The following ONECUT2 variants were observed in gnomAD, a reference collection of about 807,000 sequenced individuals.
ONECUT2 encodes the protein one cut homeobox 2, also known as one cut domain family member 2.
ONECUT2 carries 10 observed loss-of-function variants against 27.9 expected under a neutral mutation model. The ratio of observed to expected loss-of-function variants is 0.36; its 90% CI spans 0.22 to 0.61. The LOEUF (loss-of-function observed/expected upper bound fraction) is 0.61. Ranked by LOEUF, ONECUT2 falls within the 20% of genes least tolerant of loss-of-function variation. The pLI, the probability that ONECUT2 is intolerant of heterozygous loss-of-function variation, is 0.73. For synonymous variants in ONECUT2, 334 were observed against 315.1 expected (o/e 1.06, Z -0.64); for missense variants, 686 against 721.0 (o/e 0.95, Z 0.56).
chr18:57,466,512 G>A (rs1049697558), intron 1 of ONECUT2, among the ~76,000 whole-genome samples: 3 of 152,222 alleles, frequency 2.0e-5, no homozygotes, highest in Admixed American at 6.5e-5. Flanking sequence ...AGCAACTCAC[G>A]ACTTCCTGGA....
rs535349572 is a variant in ONECUT2, at chr18:57,481,411, A to G, written c.*4688A>G. ...AATTTTCAATTCAAGCTAAAATAAA[A>G]TCAACATTTGGAATGTAAATCTGAT... On this transcript the variant is annotated 3_prime_UTR_variant, in exon 2 of 2. Coordinates refer to ENST00000491143, the MANE Select transcript of ONECUT2 (RefSeq NM_004852.3). The G allele has an allele frequency of 6.6e-6, 1 of 152,238 alleles. No homozygotes were observed. Among genetic ancestry groups the G allele is most frequent in the Non-Finnish European group, 1.5e-5 (1 of 68,036 alleles). The allele number at this position is 152,238 out of a possible 1,614,324, so 9.4% of individuals were successfully genotyped here. A position where few individuals can be genotyped will look rare whatever the true frequency, so the allele number is the denominator to read the frequency against.
chr18:57,462,520 G>A (rs1030529642), intron 1 of ONECUT2, among the ~76,000 whole-genome samples: 1 of 151,860 alleles, frequency 6.6e-6, no homozygotes, highest in Admixed American at 6.6e-5. Flanking sequence ...CAAGTAGCTG[G>A]GACTACTATA....
rs550931983 is a variant in ONECUT2, at chr18:57,442,714, T to C, written c.1228+5770T>C. Among the ~76,000 whole-genome samples the C allele has an allele frequency of 1.9e-3, 284 of 152,210 alleles. 1 individual carries two copies. The highest frequency in any genetic ancestry group is 6.7e-3 in the African/African-American group (279 of 41,532). Reference sequence around the variant, plus strand: ...TTAGAGGATAGAATCATAGACTCTCTCCTACTCCCATCTTAGAATTCCAAG... The same window carrying C: ...TTAGAGGATAGAATCATAGACTCTCCCCTACTCCCATCTTAGAATTCCAAG... On this transcript the variant is annotated intron_variant, in intron 1 of 1. Coordinates refer to ENST00000491143, the MANE Select transcript of ONECUT2 (RefSeq NM_004852.3).
intron 1 of ONECUT2, among the ~76,000 whole-genome samples, chr18:57,472,153 C>T (rs758119798): frequency 5.3e-5 from 8 of 152,218 alleles, no homozygotes; most frequent in Non-Finnish European, 1.2e-4. Flanking sequence ...CCTGCTGTTT[C>T]GTTGGGTTTC....
chr18:57,461,433 A>G (rs1390979572), intron 1 of ONECUT2, among the ~76,000 whole-genome samples: 1 of 152,226 alleles, frequency 6.6e-6, no homozygotes, highest in Non-Finnish European at 1.5e-5. Flanking sequence ...GTACTTAACC[A>G]TACATTTCTG....
intron 1 of ONECUT2, among the ~76,000 whole-genome samples, chr18:57,459,539 G>C (rs1019003057): frequency 1.3e-5 from 2 of 152,152 alleles, no homozygotes; most frequent in African/African-American, 4.8e-5. Flanking sequence ...TAACTTTGAT[G>C]TATCAAATTC....
rs2050133946 is a variant in ONECUT2 at position 57,435,634 on chromosome 18, G to T, written c.-83G>T. The T allele has an allele frequency of 1.1e-5, 9 of 821,374 alleles. No homozygotes were observed. Among genetic ancestry groups the T allele is most frequent in the Non-Finnish European group, 1.3e-5 (9 of 687,346 alleles). 50.9% of individuals were successfully genotyped at this position (821,374 alleles called of 1,614,324 possible). On this transcript the variant is annotated 5_prime_UTR_variant, in exon 1 of 2. Coordinates refer to ENST00000491143, the MANE Select transcript of ONECUT2 (RefSeq NM_004852.3). ...CACTCCCGCGCCCGCCCCCACTCCCGCAGCCGAGCCCCGCCACGCGCGCCT... is the reference window on the plus strand; with the variant it reads ...CACTCCCGCGCCCGCCCCCACTCCCTCAGCCGAGCCCCGCCACGCGCGCCT...
In ONECUT2 at chr18:57,436,312, G is replaced by A. The variant is rs1303907901; in HGVS notation, c.596G>A (p.Arg199His). The A allele has an allele frequency of 6.2e-7, 1 of 1,603,852 alleles. No homozygotes were observed. The highest frequency in any genetic ancestry group is 8.5e-7 in the Non-Finnish European group (1 of 1,179,648). ...GTCAGCGGCAGCTTCACCCTCATGC[G>A]CGACGAGCGCGGGCTCCCGGCCATG... ...GNVSGSFTLM[R>H]DERGLPAMNN... The change falls in exon 1 of 2, where the codon CGC becomes CAC. Residue 199 changes from arginine to histidine, a missense_variant. This residue lies in a region of ONECUT2 where 511 missense variants were observed against 488.1 expected (regional missense o/e 1.05). Coordinates refer to ENST00000491143, the MANE Select transcript of ONECUT2 (RefSeq NM_004852.3). This position sits in a 1 kb window ranked among gnomAD's most constrained non-coding sequence, Gnocchi z 5.9.
intron 1 of ONECUT2, among the ~76,000 whole-genome samples, chr18:57,457,836 G>T (rs1041721240): frequency 6.6e-6 from 1 of 152,182 alleles, no homozygotes; most frequent in Non-Finnish European, 1.5e-5. Flanking sequence ...CATGGATGAA[G>T]CTGAAAACCA....
In ONECUT2 at chr18:57,478,211, C is replaced by T. The variant is rs1280220295; in HGVS notation, c.*1488C>T. 1 of 152,542 alleles carries T rather than the reference C, an allele frequency of 6.6e-6. No homozygotes were observed. Among genetic ancestry groups the T allele is most frequent in the African/African-American group, 2.4e-5 (1 of 41,438 alleles). The allele number at this position is 152,542 out of a possible 1,614,324, so 9.4% of individuals were successfully genotyped here. The stretch of plus-strand genomic sequence containing the variant: ...GGTGGCTTTGCCACACCAGTTGTCA[C>T]CTTCCCATAGCAAGTGGAAGAGCGC... On this transcript the variant is annotated 3_prime_UTR_variant, in exon 2 of 2. Coordinates refer to ENST00000491143, the MANE Select transcript of ONECUT2 (RefSeq NM_004852.3).
intron 1 of ONECUT2, among the ~76,000 whole-genome samples, chr18:57,438,970 C>A (rs2050159472): frequency 6.6e-6 from 1 of 152,222 alleles, no homozygotes; most frequent in South Asian, 2.1e-4. Context: ...TCTTGGGCAC[C>A]GGGGACCAGA....
rs1254072069 is a variant in ONECUT2 at position 57,483,774 on chromosome 18, T to C, written c.*7051T>C. On this transcript the variant is annotated 3_prime_UTR_variant, in exon 2 of 2. Coordinates refer to ENST00000491143, the MANE Select transcript of ONECUT2 (RefSeq NM_004852.3). ...AGTCTAAGTAACAATTTTTAAATTA[T>C]TTAACTTAAGTTCGCAGCCCCACCT... 6.6e-6 allele frequency: 1 copy of C among 152,656 alleles called. No homozygotes were observed. Among genetic ancestry groups the C allele is most frequent in the Non-Finnish European group, 1.5e-5 (1 of 68,038 alleles). The allele number at this position is 152,656 out of a possible 1,614,324, so 9.5% of individuals were successfully genotyped here. A position where few individuals can be genotyped will look rare whatever the true frequency, so the allele number is the denominator to read the frequency against.
At chr18:57,455,202 C>A (rs532666236) in intron 1 of ONECUT2, among the ~76,000 whole-genome samples, 1 of 152,336 alleles carries the variant, frequency 6.6e-6, no homozygotes, top group South Asian at 2.1e-4. Flanking sequence ...ACTTGGCTCC[C>A]TGGAGAGCTC....
Position 57,436,702 on chromosome 18 carries a change from A to G in ONECUT2, c.986A>G (p.Gln329Arg), listed in dbSNP as rs764900014. The G allele has an allele frequency of 6.2e-7, 1 of 1,613,616 alleles. No homozygotes were observed. Among genetic ancestry groups the G allele is most frequent in the East Asian group, 2.2e-5 (1 of 44,874 alleles). Residue 329 changes from glutamine to arginine, a missense_variant, in exon 1 of 2, where the codon CAG (glutamine) becomes CGG (arginine). By Grantham distance (43) the Gln-to-Arg change is conservative. Transcript: ENST00000491143. This position sits in a 1 kb window ranked among gnomAD's most constrained non-coding sequence, Gnocchi z 5.9. ...SSGSQVATSG[Q>R]LEEINTKEVA... ...GGCTCGCAGGTGGCCACGTCGGGCC[A>G]GCTGGAAGAAATCAACACCAAAGAG...
intron 1 of ONECUT2, among the ~76,000 whole-genome samples, chr18:57,456,747 T>A (rs1018334465): frequency 3.9e-5 from 6 of 152,354 alleles, no homozygotes; most frequent in African/African-American, 1.4e-4. Flanking sequence ...TATTTTACCA[T>A]AATTTCAAAG....
At chr18:57,449,890 C>G (rs1306802459) in intron 1 of ONECUT2, among the ~76,000 whole-genome samples, 1 of 152,212 alleles carries the variant, frequency 6.6e-6, no homozygotes, top group East Asian at 1.9e-4. Flanking sequence ...TTGCAAATGA[C>G]AGAACAGCCT....
rs931280968 is a variant in ONECUT2 at position 57,485,338 on chromosome 18, A to G, written c.*8615A>G. The G allele has an allele frequency of 1.3e-5, 2 of 152,222 alleles. No homozygotes were observed. The highest frequency in any genetic ancestry group is 2.4e-5 in the African/African-American group (1 of 41,464). 9.4% of individuals were successfully genotyped at this position (152,222 alleles called of 1,614,324 possible). A position where few individuals can be genotyped will look rare whatever the true frequency, so the allele number is the denominator to read the frequency against. On this transcript the variant is annotated 3_prime_UTR_variant, in exon 2 of 2. Coordinates refer to ENST00000491143, the MANE Select transcript of ONECUT2 (RefSeq NM_004852.3). ...ATGAGAGAAGTTTAAGCCTTACATC[A>G]TTTGATACTAAAGGGTTATTTGTGG...
intron 1 of ONECUT2, among the ~76,000 whole-genome samples, chr18:57,463,217 T>C (rs538137617): frequency 6.6e-6 from 1 of 152,294 alleles, no homozygotes; most frequent in South Asian, 2.1e-4. Flanking sequence ...GTTCTGCATA[T>C]CCAACCTTGT....
chr18:57,453,961 C>T (rs1380252358), intron 1 of ONECUT2, among the ~76,000 whole-genome samples: 1 of 152,040 alleles, frequency 6.6e-6, no homozygotes, highest in Non-Finnish European at 1.5e-5. Context: ...GACAGCCATT[C>T]CATTAAATTC....
Sources: allele counts gnomAD v4.1 joint callset (sites outside exome capture counted in the v4.1 genomes callset), GRCh38; gene constraint gnomAD v4.1.1; regional missense constraint gnomAD v4.1.1; non-coding constraint Gnocchi (gnomAD v3.1); transcripts MANE v1.5; gene names NCBI Gene and HGNC (gene_info 2026-07-23, HGNC 2026-07-21).